Variants in TPST1 observed in about 807,000 individuals in gnomAD.
TPST1 encodes the protein tyrosylprotein sulfotransferase 1, also known as protein-tyrosine sulfotransferase 1.
A neutral mutation model predicts 34.8 loss-of-function variants in TPST1; 20 were observed. The observed-to-expected ratio is 0.57, with a 90% CI of 0.40 to 0.84. TPST1 has a LOEUF of 0.84. TPST1 is among the 40% of genes least tolerant of loss of function. TPST1 has a pLI of 0.00. For synonymous variants in TPST1, 152 were observed against 159.4 expected, an observed-to-expected ratio of 0.95 and a Z score of 0.35; for missense variants, 353 against 455.5, an observed-to-expected ratio of 0.78 and a Z score of 2.05.
At chr7:66,316,597 A>G (rs190740012) in intron 3 of TPST1, among the ~76,000 whole-genome samples, 101 of 152,300 alleles carry the variant, frequency 6.6e-4, no homozygotes, top group Admixed American at 2.2e-3. Context: ...TTTTGAGGCT[A>G]TTTTTTGAGA....
chr7:66,324,557 A>C (rs1447413300), intron 3 of TPST1, among the ~76,000 whole-genome samples: 1 of 152,150 alleles, frequency 6.6e-6, no homozygotes, highest in Non-Finnish European at 1.5e-5. Flanking sequence ...CTGTAATCCC[A>C]GCACTTTGGG....
At chr7:66,261,625 TA>T (rs1790490233) in intron 2 of TPST1, among the ~76,000 whole-genome samples, 1 of 152,154 alleles carries the variant, frequency 6.6e-6, no homozygotes, top group Non-Finnish European at 1.5e-5. Context: ...ACATTCTGTT[TA>T]TTCTTTTCAT....
chr7:66,265,532 A>G (rs1562821273), intron 2 of TPST1, among the ~76,000 whole-genome samples: 2 of 148,900 alleles, frequency 1.3e-5, no homozygotes, highest in Admixed American at 6.8e-5. Flanking sequence ...ACTGGACGAC[A>G]GTGTGGAACC....
intron 2 of TPST1, among the ~76,000 whole-genome samples, chr7:66,242,757 A>T (rs1790062867): frequency 6.6e-6 from 1 of 152,190 alleles, no homozygotes; most frequent in South Asian, 2.1e-4. Context: ...GATTAAAGAG[A>T]TATGCTTAAG....
chr7:66,309,773 T>G (rs1206884906), intron 3 of TPST1, among the ~76,000 whole-genome samples: 1 of 152,216 alleles, frequency 6.6e-6, no homozygotes, highest in African/African-American at 2.4e-5. Flanking sequence ...TTTTCCCATA[T>G]ACTCTTGTGG....
At position 66,260,980 on chromosome 7, in the gene TPST1, C is replaced by T. The variant is rs1790475063; in HGVS notation, c.845+19710C>T. ...ATTTAGCACATCTCCAGAATTCTCT[C>T]TGTATACAGCTCTCTCCTCTTTGAT... On this transcript the variant is annotated intron_variant, in intron 2 of 5. Transcript: ENST00000304842. Among the ~76,000 whole-genome samples the T allele has an allele frequency of 2.0e-5, 3 of 152,314 alleles. No homozygotes were observed. In the South Asian group the frequency reaches 6.2e-4, roughly 32 times the overall value.
At chr7:66,335,606 T>C (rs1033221682) in intron 3 of TPST1, among the ~76,000 whole-genome samples, 2 of 152,166 alleles carry the variant, frequency 1.3e-5, no homozygotes, top group Admixed American at 1.3e-4. Context: ...TGTGAAACAA[T>C]GTCAGGGCAA....
intron 2 of TPST1, among the ~76,000 whole-genome samples, chr7:66,244,252 C>T (rs1790103815): frequency 6.6e-6 from 1 of 151,916 alleles, no homozygotes; most frequent in South Asian, 2.1e-4. Flanking sequence ...CGCGCCTGGC[C>T]GAAAATTGTT....
chr7:66,230,058 C>T (rs1010772621), intron 1 of TPST1, among the ~76,000 whole-genome samples: 6 of 152,070 alleles, frequency 3.9e-5, no homozygotes, highest in East Asian at 1.9e-4. Flanking sequence ...CATGGTGGCA[C>T]GCACCTGTAG....
chr7:66,289,234 G>A (rs1364297011), intron 3 of TPST1, among the ~76,000 whole-genome samples: 2 of 58,560 alleles, frequency 3.4e-5, no homozygotes, highest in Admixed American at 3.5e-4. Context: ...TAAGCTTTTT[G>A]ATGTGCTGCT....
chr7:66,304,640 G>A (rs1791385187), intron 3 of TPST1, among the ~76,000 whole-genome samples: 1 of 152,150 alleles, frequency 6.6e-6, no homozygotes, highest in South Asian at 2.1e-4. Context: ...TGCTTAACAT[G>A]TTGTAACTAT....
chr7:66,243,941 A>ATTTTTTTTTTTTTTTTTTTT (rs55829208), intron 2 of TPST1, among the ~76,000 whole-genome samples: 4 of 116,232 alleles, frequency 3.4e-5, no homozygotes, highest in Non-Finnish European at 7.0e-5. Context: ...ATTCTGGGAA[A>ATTTTTTTTTTTTTTTTTTTT]TTTTTTTTTT....
intron 2 of TPST1, among the ~76,000 whole-genome samples, chr7:66,269,919 G>A (rs749909966): frequency 1.2e-4 from 19 of 152,130 alleles, no homozygotes. Context: ...GTCTCATGGT[G>A]GGGGAGGGGG....
chr7:66,264,848 A>G (rs1457408931), intron 2 of TPST1, among the ~76,000 whole-genome samples: 1 of 152,226 alleles, frequency 6.6e-6, no homozygotes, highest in Non-Finnish European at 1.5e-5. Flanking sequence ...AACACTTTAT[A>G]TTAGCTATTT....
intron 3 of TPST1, among the ~76,000 whole-genome samples, chr7:66,313,019 C>T (rs1238413152): frequency 6.7e-6 from 1 of 148,412 alleles, no homozygotes; most frequent in Non-Finnish European, 1.5e-5. Context: ...TGTACCTAGA[C>T]ATATTTTGCT....
chr7:66,305,676 T>G (rs1249958162), intron 3 of TPST1, among the ~76,000 whole-genome samples: 3 of 152,172 alleles, frequency 2.0e-5, no homozygotes, highest in Non-Finnish European at 4.4e-5. Flanking sequence ...GAAATAATGT[T>G]GTGTCTCCCC....
chr7:66,212,992 T>C (rs995967009), intron 1 of TPST1, among the ~76,000 whole-genome samples: 4 of 152,190 alleles, frequency 2.6e-5, no homozygotes, highest in Non-Finnish European at 5.9e-5. Flanking sequence ...TAGAGGTTTT[T>C]TCTTTGTCTT....
intron 1 of TPST1, among the ~76,000 whole-genome samples, chr7:66,233,630 A>G (rs1040792274): frequency 3.9e-5 from 6 of 152,194 alleles, no homozygotes; most frequent in African/African-American, 1.4e-4. Context: ...GGGGTCCTCC[A>G]ACTTTGTTCT....
intron 1 of TPST1, among the ~76,000 whole-genome samples, chr7:66,231,744 A>C (rs971207372): frequency 6.6e-6 from 1 of 152,222 alleles, no homozygotes; most frequent in Non-Finnish European, 1.5e-5. Context: ...CTGCAAGCTG[A>C]GGGAGCCGGC....
Sources: gnomAD v4.1 joint callset for allele counts (sites outside exome capture counted in the v4.1 genomes callset) on GRCh38, gnomAD v4.1.1 for gene constraint, MANE v1.5 for transcripts, NCBI Gene and HGNC (gene_info 2026-07-23, HGNC 2026-07-21) for gene names.